MSR1: variants seen among roughly 807,000 people sequenced by gnomAD.
MSR1 encodes the protein macrophage scavenger receptor 1.
A neutral mutation model predicts 47.2 loss-of-function variants in MSR1; 53 were observed. The ratio of observed to expected loss-of-function variants is 1.12; its 90% confidence interval spans 0.90 to 1.41. The LOEUF is 1.41. MSR1 is among the 40% of genes most tolerant of loss of function. MSR1 has a pLI of 0.00. For synonymous variants in MSR1, 239 were observed against 185.6 expected (o/e 1.29, Z -2.34); for missense variants, 786 against 546.9 (o/e 1.44, Z -4.36).
At chr8:16,185,532 C>T (rs189406332) in intron 1 of MSR1, among the ~76,000 whole-genome samples, 90 of 152,130 alleles carry the variant, frequency 5.9e-4, no homozygotes, top group South Asian at 6.2e-4. Context: ...AGGAATATGC[C>T]GGCAAAGCAC....
intron 7 of MSR1, among the ~76,000 whole-genome samples, chr8:16,143,891 A>AT (rs1290785042): frequency 6.6e-6 from 1 of 152,000 alleles, no homozygotes; most frequent in Non-Finnish European, 1.5e-5. Context: ...TTTTGTACTT[A>AT]TTTATCCTCC....
intron 7 of MSR1, among the ~76,000 whole-genome samples, chr8:16,148,312 G>A (rs977030035): frequency 6.6e-6 from 1 of 152,010 alleles, no homozygotes; most frequent in African/African-American, 2.4e-5. Flanking sequence ...CCCTCATCAA[G>A]TTGTGTGAAC....
intron 1 of MSR1, among the ~76,000 whole-genome samples, chr8:16,185,908 G>C (rs777125987): frequency 6.7e-6 from 1 of 149,908 alleles, no homozygotes; most frequent in Admixed American, 6.7e-5. Context: ...TGGGTGAGTA[G>C]AGGAAGAAGA....
At position 16,143,608 on chromosome 8, in the gene MSR1, T is replaced by C; in HGVS notation, c.983A>G (p.Asn328Ser). ...GLPGYAGRPG[N>S]SGPKGQKGEK... ...CCCTTTCTGGCCTTTTGGTCCAGAA[T>C]TTCCTTGAGAAAAGAAGAAAAATAT... Residue 328 changes from asparagine to serine, a missense_variant, in exon 8 of 10, where the codon AAT (asparagine) becomes AGT (serine). Physicochemically the swap from Asn to Ser is conservative, Grantham distance 46. Coordinates refer to ENST00000262101, the MANE Select transcript of MSR1 (RefSeq NM_138715.3). The C allele has an allele frequency of 1.2e-6, 2 of 1,612,028 alleles. No homozygotes were observed. Among genetic ancestry groups the C allele is most frequent in the Non-Finnish European group, 1.7e-6 (2 of 1,178,716 alleles).
intron 2 of MSR1, among the ~76,000 whole-genome samples, chr8:16,176,774 G>C (rs1801660527): frequency 6.6e-6 from 1 of 151,960 alleles, no homozygotes; most frequent in South Asian, 2.1e-4. Flanking sequence ...CATCATTTCT[G>C]TCTGTAACAG....
chr8:16,184,923 G>C (rs1163338060), intron 1 of MSR1, among the ~76,000 whole-genome samples: 2 of 151,916 alleles, frequency 1.3e-5, no homozygotes, highest in Non-Finnish European at 2.9e-5. Context: ...CCTAGTACAT[G>C]TCTATGAGTG....
chr8:16,139,965 G>A (rs1330058236), intron 8 of MSR1: 5 of 432,974 alleles, frequency 1.2e-5, no homozygotes, highest in African/African-American at 8.8e-5. Context: ...TAGATGTATT[G>A]TAATTGCTTG....
chr8:16,151,907 C>A (rs1236032883), intron 6 of MSR1, among the ~76,000 whole-genome samples: 1 of 152,126 alleles, frequency 6.6e-6, no homozygotes, highest in South Asian at 2.1e-4. Context: ...TGCTGATTGA[C>A]CTCAAGCAAG....
chr8:16,183,692 AATTAT>A (rs36224593), intron 1 of MSR1, among the ~76,000 whole-genome samples: 29,970 of 140,336 alleles, frequency 0.21, 4,219 homozygotes, highest in East Asian at 0.53. Context: ...TATATTTCCC[AATTAT>A]ATTATATGTA....
chr8:16,127,938 A>T (rs1194559599), intron 8 of MSR1, among the ~76,000 whole-genome samples: 1 of 152,136 alleles, frequency 6.6e-6, no homozygotes, highest in Non-Finnish European at 1.5e-5. Context: ...TCCCATCACC[A>T]TTGGTTATTG....
At chr8:16,147,093 A>C (rs1317699031) in intron 7 of MSR1, among the ~76,000 whole-genome samples, 1 of 152,182 alleles carries the variant, frequency 6.6e-6, no homozygotes, top group Non-Finnish European at 1.5e-5. Context: ...TGAAAGTTCT[A>C]CTATGTTGAA....
At chr8:16,156,651 T>C (rs1194910516) in intron 5 of MSR1, among the ~76,000 whole-genome samples, 3 of 151,886 alleles carry the variant, frequency 2.0e-5, no homozygotes, top group Non-Finnish European at 2.9e-5. Context: ...TAATTCGTAG[T>C]TGTGTTATTT....
chr8:16,156,834 G>C (rs1801024428), intron 5 of MSR1, among the ~76,000 whole-genome samples: 1 of 151,864 alleles, frequency 6.6e-6, no homozygotes, highest in Admixed American at 6.6e-5. Flanking sequence ...CACAAGAAAT[G>C]TAAGATTTCT....
intron 8 of MSR1, among the ~76,000 whole-genome samples, chr8:16,128,751 T>G (rs1800186248): frequency 6.6e-6 from 1 of 152,166 alleles, no homozygotes; most frequent in African/African-American, 2.4e-5. Flanking sequence ...TATGTTGTGA[T>G]TTGAACACAC....
intron 2 of MSR1, among the ~76,000 whole-genome samples, chr8:16,175,548 A>C (rs758619393): frequency 3.3e-5 from 5 of 152,328 alleles, no homozygotes; most frequent in Non-Finnish European, 5.9e-5. Context: ...ACTGTGCTCT[A>C]CAAGTTGTGC....
chr8:16,145,518 A>G (rs1800673347), intron 7 of MSR1, among the ~76,000 whole-genome samples: 1 of 152,172 alleles, frequency 6.6e-6, no homozygotes, highest in Non-Finnish European at 1.5e-5. Context: ...GTCTTTTCAC[A>G]CAGCAACTTG....
chr8:16,121,087 C>T (rs1299927014), intron 8 of MSR1: 2 of 394,980 alleles, frequency 5.1e-6, no homozygotes, highest in South Asian at 3.9e-5. Flanking sequence ...GGTGATCAAA[C>T]TTCATATCTT....
intron 1 of MSR1, among the ~76,000 whole-genome samples, chr8:16,187,701 T>C (rs1802043623): frequency 6.6e-6 from 1 of 152,142 alleles, no homozygotes; most frequent in East Asian, 1.9e-4. Context: ...CTGGATTTTA[T>C]ATCTTAGGTT....
At chr8:16,164,605 A>T (rs1801253390) in intron 4 of MSR1, among the ~76,000 whole-genome samples, 1 of 152,016 alleles carries the variant, frequency 6.6e-6, no homozygotes, top group African/African-American at 2.4e-5. Flanking sequence ...TTCGTACTGT[A>T]CTTACAGTGG....
Sources: allele counts gnomAD v4.1 joint callset (sites outside exome capture counted in the v4.1 genomes callset), GRCh38; gene constraint gnomAD v4.1.1; transcripts MANE v1.5; gene names NCBI Gene and HGNC (gene_info 2026-07-23, HGNC 2026-07-21).